The following CCDC60 variants were observed in gnomAD, a reference collection of about 807,000 sequenced individuals.
CCDC60 encodes the protein coiled-coil domain containing 60, also known as coiled-coil domain-containing protein 60.
In CCDC60, 54 loss-of-function variants were observed where a neutral mutation model predicts 63.5. The ratio of observed to expected loss-of-function variants is 0.85; its 90% CI spans 0.68 to 1.07. The LOEUF (loss-of-function observed/expected upper bound fraction) is 1.07, where lower values mean the gene tolerates loss of function less well. Ranked by LOEUF, CCDC60 falls within the 50% of genes least tolerant of loss-of-function variation. CCDC60 has a pLI of 0.00. For synonymous variants in CCDC60, 206 were observed against 238.8 expected (o/e 0.86, Z 1.27); for missense variants, 651 against 684.3 (o/e 0.95, Z 0.54).
chr12:119,387,034 TCACACACACACACACA>T (rs1555233707), intron 1 of CCDC60, among the ~76,000 whole-genome samples: 27 of 105,450 alleles, frequency 2.6e-4, no homozygotes, highest in Non-Finnish European at 4.1e-4. Flanking sequence ...TCTGTCTCTC[TCACACACACACACACA>T]CACACACACA....
chr12:119,532,024 C>T (rs1566067124), intron 13 of CCDC60, among the ~76,000 whole-genome samples: 1 of 152,160 alleles, frequency 6.6e-6, no homozygotes, highest in African/African-American at 2.4e-5. Flanking sequence ...GAGCGTTTGA[C>T]ATTTTCATAC....
intron 1 of CCDC60, among the ~76,000 whole-genome samples, chr12:119,392,358 C>T (rs987348247): frequency 6.6e-6 from 1 of 152,216 alleles, no homozygotes. Context: ...ACTCTCTTCA[C>T]CTCTGCTGTG....
chr12:119,382,154 C>T (rs1036232936), intron 1 of CCDC60, among the ~76,000 whole-genome samples: 2 of 152,136 alleles, frequency 1.3e-5, no homozygotes, highest in Admixed American at 6.5e-5. Context: ...GCTTTAGCCA[C>T]GAAACTTTTA....
chr12:119,393,453 G>A (rs1565983023), intron 1 of CCDC60, among the ~76,000 whole-genome samples: 1 of 152,100 alleles, frequency 6.6e-6, no homozygotes, highest in Non-Finnish European at 1.5e-5. Flanking sequence ...CGCTGCTCCC[G>A]AATTGTATTT....
chr12:119,505,074 G>A lies in CCDC60; in HGVS notation c.654G>A (p.Lys218=), dbSNP rs117667301. The change falls in exon 7 of 14, where the codon AAG becomes AAA. Residue 218 remains lysine (K), a synonymous_variant. Coordinates refer to ENST00000327554, the MANE Select transcript of CCDC60 (RefSeq NM_178499.5). ...CTTTCTTCTCTTTCCTTTAGACCAA[G>A]AAATTCAAAATTCCCACAATGCGAG... The part of the protein sequence containing the change: ...WEHFITAPKT[K]KFKIPTMRVT... The A allele has an allele frequency of 1.9e-6, 3 of 1,595,264 alleles. No homozygotes were observed. The East Asian group carries it at 6.8e-5, about 36-fold the overall frequency.
At chr12:119,460,647 C>T (rs568441914) in intron 2 of CCDC60, among the ~76,000 whole-genome samples, 16 of 152,254 alleles carry the variant, frequency 1.1e-4, no homozygotes, top group African/African-American at 3.1e-4. Flanking sequence ...CTTCTGGGTC[C>T]GTTGTGGATT....
chr12:119,412,325 T>G (rs1165265499), intron 1 of CCDC60, among the ~76,000 whole-genome samples: 4 of 152,174 alleles, frequency 2.6e-5, no homozygotes, highest in Admixed American at 2.6e-4. Context: ...TGTGTTTCTT[T>G]GGACCTTCAG....
At chr12:119,406,343 A>G (rs1265733107) in intron 1 of CCDC60, among the ~76,000 whole-genome samples, 1 of 152,110 alleles carries the variant, frequency 6.6e-6, no homozygotes, top group Non-Finnish European at 1.5e-5. Context: ...TGTCAAGATC[A>G]ATAGCATTCA....
At chr12:119,539,980 A>C (rs953303593) in intron 13 of CCDC60, among the ~76,000 whole-genome samples, 1 of 152,072 alleles carries the variant, frequency 6.6e-6, no homozygotes, top group Non-Finnish European at 1.5e-5. Flanking sequence ...GCAACACCCC[A>C]CCCTGCTTCA....
In CCDC60 at chr12:119,467,600, C is replaced by G. The variant is rs1269161540; in HGVS notation, c.171-4394C>G. On this transcript the variant is annotated intron_variant, in intron 2 of 13. Transcript: ENST00000327554. ...ATGCTGGCACCCTGATCTTGGGCTT[C>G]CAGCCTCCAGAACTGTGAGAAAGAA... 3.3e-5 allele frequency among the ~76,000 whole-genome samples: 5 copies of G among 152,234 alleles called. No homozygotes were observed. The East Asian group carries it at 9.6e-4, about 29-fold the overall frequency.
intron 2 of CCDC60, among the ~76,000 whole-genome samples, chr12:119,453,009 T>C (rs1045226437): frequency 1.3e-5 from 2 of 152,134 alleles, no homozygotes; most frequent in African/African-American, 4.8e-5. Flanking sequence ...GTATTTTTAG[T>C]AGAGACGGGG....
At position 119,523,701 on chromosome 12, in the gene CCDC60, A is replaced by G; in HGVS notation, c.1112A>G (p.Asn371Ser). 1 of 1,614,116 alleles carries G rather than the reference A, an allele frequency of 6.2e-7. No homozygotes were observed. Among genetic ancestry groups the G allele is most frequent in the Non-Finnish European group, 8.5e-7 (1 of 1,179,974 alleles). The change falls in exon 11 of 14, where the codon AAT (asparagine) becomes AGT (serine). Residue 371 changes from asparagine to serine, a missense_variant. Physicochemically the swap from Asn to Ser is conservative, Grantham distance 46. Transcript: ENST00000327554. ...PVQKKSKNRTNCDINIHYKSG... is the reference protein window; with the variant it reads ...PVQKKSKNRTSCDINIHYKSG... Reference sequence around the variant, plus strand: ...CTTATCTGTGTCCACAGCCGCACTAATTGTGACATCAACATCCACTACAAG... The same window carrying G: ...CTTATCTGTGTCCACAGCCGCACTAGTTGTGACATCAACATCCACTACAAG...
At chr12:119,375,486 T>C (rs1405296150) in intron 1 of CCDC60, among the ~76,000 whole-genome samples, 1 of 152,148 alleles carries the variant, frequency 6.6e-6, no homozygotes, top group African/African-American at 2.4e-5. Context: ...GAGCTGTCTT[T>C]GCTGGGCCAC....
chr12:119,388,379 C>T (rs981850030), intron 1 of CCDC60: 5 of 152,180 alleles, frequency 3.3e-5, no homozygotes, highest in African/African-American at 1.2e-4. Context: ...AAATAAACCT[C>T]CAGAAAATTT....
At chr12:119,409,843 C>T (rs188599668) in intron 1 of CCDC60, among the ~76,000 whole-genome samples, 1 of 152,194 alleles carries the variant, frequency 6.6e-6, no homozygotes, top group East Asian at 1.9e-4. Flanking sequence ...CTGCCTCTCT[C>T]TGTGTGTCTC....
At chr12:119,408,897 G>GGACCTCTCCCAAAGAGAA (rs969159158) in intron 1 of CCDC60, among the ~76,000 whole-genome samples, 6 of 152,226 alleles carry the variant, frequency 3.9e-5, no homozygotes, top group African/African-American at 1.4e-4. Context: ...CTTGCTATGT[G>GGACCTCTCCCAAAGAGAA]GACCTCTCCC....
chr12:119,346,154 A>T (rs905474686), intron 1 of CCDC60, among the ~76,000 whole-genome samples: 21 of 151,356 alleles, frequency 1.4e-4, no homozygotes, highest in African/African-American at 5.1e-4. Context: ...AAATCACTTA[A>T]CCTCTTTGAT....
rs921812478 is a variant in CCDC60 at position 119,441,980 on chromosome 12, AT to A, written c.170+13226del. Among the ~76,000 whole-genome samples the A allele has an allele frequency of 8.5e-5, 13 of 152,098 alleles. No individual in the cohort carries two copies. In the East Asian group the frequency reaches 9.7e-4, roughly 11 times the overall value. ...AAGATACTGCCAGTTTTCCAAGCCC[AT>A]TTTTTTTAAAGTTTAAAACGCACAA... On this transcript the variant is annotated intron_variant, in intron 2 of 13. Coordinates refer to ENST00000327554, the MANE Select transcript of CCDC60 (RefSeq NM_178499.5).
intron 1 of CCDC60, among the ~76,000 whole-genome samples, chr12:119,415,671 G>A (rs1002348586): frequency 3.3e-5 from 5 of 152,206 alleles, no homozygotes; most frequent in Admixed American, 6.5e-5. Context: ...GAAGACAATG[G>A]AGGGAAAAGA....
Sources: gnomAD v4.1 joint callset for allele counts (sites outside exome capture counted in the v4.1 genomes callset) on GRCh38, gnomAD v4.1.1 for gene constraint, MANE v1.5 for transcripts, NCBI Gene and HGNC (gene_info 2026-07-23, HGNC 2026-07-21) for gene names.